Variants in VPS13B observed in about 807,000 individuals in gnomAD.
The protein encoded by VPS13B is intermembrane lipid transfer protein VPS13B.
Under a neutral mutation model 426.4 loss-of-function variants are expected in VPS13B, and 285 were observed. That is an observed-to-expected ratio of 0.67 (90% CI 0.61 to 0.74). The LOEUF (loss-of-function observed/expected upper bound fraction) is 0.74, where lower values mean the gene tolerates loss of function less well. Among genes scored for constraint, VPS13B ranks in the 30% least tolerant of loss-of-function variants. VPS13B has a pLI of 0.00. For missense variants in VPS13B, 4,537 were observed against 4,782.6 expected, an observed-to-expected ratio of 0.95 and a Z score of 1.51; for synonymous variants, 1,676 against 1,676.4, an observed-to-expected ratio of 1.00 and a Z score of 0.01.
chr8:99,121,069 A>T, intron 7 of VPS13B, 108 bp from the exon 8 acceptor site: 1 of 929,684 alleles, frequency 1.1e-6, no homozygotes, highest in Non-Finnish European at 1.6e-6. Flanking sequence ...ATTTGTTTAT[A>T]CCTTATATTA....
intron 17 of VPS13B, among the ~76,000 whole-genome samples, chr8:99,229,912 A>G (rs926605651): frequency 3.9e-5 from 6 of 152,324 alleles, no homozygotes; most frequent in African/African-American, 9.6e-5. Flanking sequence ...TCCACATTCA[A>G]TAGTCATAAT....
intron 6 of VPS13B, among the ~76,000 whole-genome samples, chr8:99,112,883 A>G: frequency 6.6e-6 from 1 of 152,212 alleles, no homozygotes; most frequent in East Asian, 1.9e-4. Context: ...ATTAGTCATT[A>G]CATTTCACTG....
At chr8:99,161,214 TA>T (rs34162766) in intron 15 of VPS13B, among the ~76,000 whole-genome samples, 1 of 152,246 alleles carries the variant, frequency 6.6e-6, no homozygotes, top group Admixed American at 6.5e-5. Flanking sequence ...TGTACAATTT[TA>T]AAAAATATTG....
intron 42 of VPS13B, among the ~76,000 whole-genome samples, chr8:99,779,278 T>A (rs892886352): frequency 1.3e-5 from 2 of 152,210 alleles, no homozygotes; most frequent in Non-Finnish European, 2.9e-5. Flanking sequence ...TTGTGACTAA[T>A]GCACCACATC....
At chr8:99,638,125 C>T (rs1451281191) in intron 33 of VPS13B, among the ~76,000 whole-genome samples, 1 of 152,018 alleles carries the variant, frequency 6.6e-6, no homozygotes, top group Non-Finnish European at 1.5e-5. Context: ...TAACAATTAT[C>T]TTTATCTTAC....
intron 55 of VPS13B, among the ~76,000 whole-genome samples, chr8:99,852,718 T>A: frequency 6.7e-6 from 1 of 150,008 alleles, no homozygotes. Context: ...AGGAGAGGAG[T>A]TGGAGACAGT....
At chr8:99,608,696 G>T (rs145067216) in intron 33 of VPS13B, among the ~76,000 whole-genome samples, 37 of 152,078 alleles carry the variant, frequency 2.4e-4, no homozygotes, top group South Asian at 1.9e-3. Flanking sequence ...AACATACCTT[G>T]TTTCTCTATC....
chr8:99,642,041 T>G lies in VPS13B; in HGVS notation c.5451T>G (p.Thr1817=). The part of the protein sequence containing the change: ...LNFIPFDIFI[T]ASRISLMTYS... ...TTATTCCCTTTGACATATTTATTAC[T>G]GCAAGTAGAATCTCACTAATGACCT... The change falls in exon 34 of 62, where the codon ACT becomes ACG. Residue 1817 remains threonine (T), a synonymous_variant. Coordinates refer to ENST00000357162, the MANE Select transcript of VPS13B (RefSeq NM_152564.5). The G allele has an allele frequency of 6.2e-7, 1 of 1,614,106 alleles. No homozygotes were observed. Among genetic ancestry groups the G allele is most frequent in the Non-Finnish European group, 8.5e-7 (1 of 1,180,008 alleles).
chr8:99,070,710 A>G (rs567892927), intron 3 of VPS13B, among the ~76,000 whole-genome samples: 83 of 151,876 alleles, frequency 5.5e-4, no homozygotes, highest in Middle Eastern at 3.4e-3. Flanking sequence ...TGCATACTGT[A>G]TTTATTGTTC....
intron 36 of VPS13B, among the ~76,000 whole-genome samples, chr8:99,710,467 A>G (rs1321908432): frequency 6.6e-6 from 1 of 152,160 alleles, no homozygotes; most frequent in Non-Finnish European, 1.5e-5. Flanking sequence ...GTGGTAATAT[A>G]TAAGATTCAA....
intron 21 of VPS13B, among the ~76,000 whole-genome samples, chr8:99,412,542 C>G (rs963905570): frequency 6.6e-6 from 1 of 152,136 alleles, no homozygotes; most frequent in Non-Finnish European, 1.5e-5. Flanking sequence ...TTCCTGTCTT[C>G]CTACATGAAT....
At chr8:99,406,110 T>G (rs980877264) in intron 21 of VPS13B, among the ~76,000 whole-genome samples, 16 of 152,130 alleles carry the variant, frequency 1.1e-4, no homozygotes, top group African/African-American at 3.9e-4. Flanking sequence ...GGTCTTAGTT[T>G]AGATGATCAA....
intron 19 of VPS13B, among the ~76,000 whole-genome samples, chr8:99,323,989 G>C (rs1810114349): frequency 6.6e-6 from 1 of 152,154 alleles, no homozygotes; most frequent in Non-Finnish European, 1.5e-5. Context: ...AGCGTGGAAT[G>C]TTAATGGGGT....
intron 19 of VPS13B, among the ~76,000 whole-genome samples, chr8:99,314,710 G>A (rs1002416300): frequency 6.6e-6 from 1 of 152,048 alleles, no homozygotes; most frequent in Admixed American, 6.5e-5. Context: ...CTTGGCCTCC[G>A]TAAGTACTGG....
At chr8:99,576,584 G>T (rs1279164454) in intron 32 of VPS13B, among the ~76,000 whole-genome samples, 15 of 152,052 alleles carry the variant, frequency 9.9e-5, no homozygotes. Context: ...TTTGCATTTG[G>T]ACTAGTCATA....
chr8:99,777,314 TTTAATGGA>T (rs1811790664), intron 41 of VPS13B, among the ~76,000 whole-genome samples: 1 of 152,142 alleles, frequency 6.6e-6, no homozygotes, highest in East Asian at 1.9e-4. Flanking sequence ...GAAAAAGAGA[TTTAATGGA>T]CTTACAGTTC....
Position 99,870,880 on chromosome 8 carries a change from T to A in VPS13B, c.11488T>A (p.Tyr3830Asn), listed in dbSNP as rs1291514905. The change falls in exon 60 of 62, where the codon TAT becomes AAT. Residue 3830 changes from tyrosine (Y) to asparagine (N), a missense_variant. This residue lies in a region of VPS13B where 4,311 missense variants were observed against 4,474.3 expected (regional missense o/e 0.96). Transcript: ENST00000357162. ...ADQAPNSHVKYVWKMLQSLGR... is the reference protein window; with the variant it reads ...ADQAPNSHVKNVWKMLQSLGR... ...CCAGGCTCCAAACAGCCATGTCAAATATGTCTGGTAAAATTATTGAGATAC... is the reference window on the plus strand; with the variant it reads ...CCAGGCTCCAAACAGCCATGTCAAAAATGTCTGGTAAAATTATTGAGATAC... 2 of 1,614,032 alleles carry A rather than the reference T, an allele frequency of 1.2e-6. No homozygotes were observed. The highest frequency in any genetic ancestry group is 1.7e-6 in the Non-Finnish European group (2 of 1,179,868).
At chr8:99,827,832 C>T (rs1814787037) in intron 51 of VPS13B, among the ~76,000 whole-genome samples, 1 of 152,088 alleles carries the variant, frequency 6.6e-6, no homozygotes, top group African/African-American at 2.4e-5. Context: ...GCCTTAATTT[C>T]ATTAGTTACC....
intron 39 of VPS13B, among the ~76,000 whole-genome samples, chr8:99,762,128 C>T (rs1478843107): frequency 6.6e-6 from 1 of 151,924 alleles, no homozygotes; most frequent in African/African-American, 2.4e-5. Context: ...TGGGTTCAGG[C>T]GATCCTCCGA....
Sources: gnomAD v4.1 joint callset for allele counts (sites outside exome capture counted in the v4.1 genomes callset) on GRCh38, gnomAD v4.1.1 for gene constraint, gnomAD v4.1.1 regional missense constraint, MANE v1.5 for transcripts, NCBI Gene and HGNC (gene_info 2026-07-23, HGNC 2026-07-21) for gene names.